UGT2B11: variants seen among roughly 807,000 people sequenced by gnomAD.
UGT2B11 encodes the protein UDP-glucuronosyltransferase 2B11.
Under a neutral mutation model 51.7 loss-of-function variants are expected in UGT2B11, and 49 were observed. That is an observed-to-expected ratio of 0.95 (90% CI 0.75 to 1.20). UGT2B11 has a LOEUF of 1.20. UGT2B11 is among the 50% of genes most tolerant of loss of function. The pLI is 0.00. For missense variants in UGT2B11, 810 were observed against 622.1 expected (o/e 1.30, Z -3.21); for synonymous variants, 273 against 209.0 (o/e 1.31, Z -2.64).
rs1363616064 is a variant in UGT2B11, at chr4:69,211,489, G to T, written c.870+1084C>A. 2.0e-5 allele frequency among the ~76,000 whole-genome samples: 3 copies of T among 151,532 alleles called. No homozygotes were observed. The South Asian group carries it at 6.2e-4, about 31-fold the overall frequency. ...TGAGGAATGATATCTCAAGTGACTT[G>T]CACATGTTAAGTAGTTAGTAGTATT... is the stretch of plus-strand genomic sequence containing the variant. On this transcript the variant is annotated intron_variant, in intron 2 of 5. Transcript: ENST00000446444.
intron 5 of UGT2B11, among the ~76,000 whole-genome samples, chr4:69,201,956 A>C (rs1479926628): frequency 6.6e-6 from 1 of 151,816 alleles, no homozygotes; most frequent in Non-Finnish European, 1.5e-5. Flanking sequence ...CCTGCCTACA[A>C]TAATTCTCTT....
At chr4:69,218,174 A>G (rs1420037764), upstream of UGT2B11, among the ~76,000 whole-genome samples, 1 of 152,096 alleles carries the variant, frequency 6.6e-6, no homozygotes, top group Non-Finnish European at 1.5e-5. Flanking sequence ...CTCCCAAATT[A>G]TCTTCCTCAA....
the UGT2B11 span, among the ~76,000 whole-genome samples, chr4:69,221,553 GC>G: frequency 4.9e-4 from 75 of 152,362 alleles, no homozygotes; most frequent in African/African-American, 1.8e-3. Context: ...AATGGCCCCA[GC>G]TTTGGCTAAT....
chr4:69,221,806 C>A, the UGT2B11 span, among the ~76,000 whole-genome samples: 1 of 152,190 alleles, frequency 6.6e-6, no homozygotes, highest in African/African-American at 2.4e-5. Flanking sequence ...TCAAACTTAC[C>A]TGGGGCTCTG....
chr4:69,212,744 A>G, intron 1 of UGT2B11, 23 bp from the exon 2 acceptor site: 1 of 1,591,114 alleles, frequency 6.3e-7, no homozygotes, highest in Non-Finnish European at 8.5e-7. Context: ...AAGAAAAGAA[A>G]AAGTGGATGA....
Position 69,214,019 on chromosome 4 carries a change from A to C in UGT2B11, c.704T>G (p.Phe235Cys). The C allele has an allele frequency of 6.3e-7, 1 of 1,587,328 alleles. No homozygotes were observed. Among genetic ancestry groups the C allele is most frequent in the Non-Finnish European group, 8.6e-7 (1 of 1,168,374 alleles). Residue 235 changes from phenylalanine (F) to cysteine (C), a missense_variant, in exon 1 of 6, where the codon TTT (phenylalanine) becomes TGT (cysteine). Physicochemically the swap from Phe to Cys is radical, Grantham distance 205 (BLOSUM62 -2). Transcript: ENST00000446444. The stretch of plus-strand genomic sequence containing the variant: ...ATTCTTACCTAAAACTTCACTGTAA[A>C]ACTGATCCCACTTCTTCATATCAGA... ...QMSDMKKWDQ[F>C]YSEVLGRPTT...
At chr4:69,222,105 T>C in the UGT2B11 span, among the ~76,000 whole-genome samples, 1 of 152,294 alleles carries the variant, frequency 6.6e-6, no homozygotes. Flanking sequence ...GCAGCCTTTC[T>C]CTTATCTCAC....
chr4:69,224,666 C>T, the UGT2B11 span, among the ~76,000 whole-genome samples: 2 of 151,742 alleles, frequency 1.3e-5, no homozygotes, highest in African/African-American at 2.4e-5. Flanking sequence ...AATGTAATGC[C>T]AAAGGTTCTT....
intron 2 of UGT2B11, 28 bp downstream of exon 2, chr4:69,212,545 A>G (rs1411389435): frequency 1.9e-6 from 3 of 1,594,300 alleles, no homozygotes; most frequent in Non-Finnish European, 2.6e-6. Flanking sequence ...CGAAGCCAAC[A>G]AAATAAAACC....
At chr4:69,203,568 T>C (rs566186814) in intron 5 of UGT2B11, among the ~76,000 whole-genome samples, 1 of 151,706 alleles carries the variant, frequency 6.6e-6, no homozygotes, top group Non-Finnish European at 1.5e-5. Flanking sequence ...TAGCCACAAT[T>C]GGAAACAATC....
chr4:69,216,813 A>C (rs1722286035), upstream of UGT2B11: 1 of 152,114 alleles, frequency 6.6e-6, no homozygotes, highest in Non-Finnish European at 1.5e-5. Context: ...CTTATTGTAA[A>C]TATGGCTGTC....
chr4:69,216,748 A>AT (rs1332798859), upstream of UGT2B11: 2 of 152,056 alleles, frequency 1.3e-5, no homozygotes, highest in Non-Finnish European at 2.9e-5. Flanking sequence ...AAGCAAGTGA[A>AT]TAAAGAAAAG....
At chr4:69,216,182 A>G (rs546027520), upstream of UGT2B11, 1 of 152,204 alleles carries the variant, frequency 6.6e-6, no homozygotes, top group East Asian at 1.9e-4. Flanking sequence ...ACTACTGAGA[A>G]CTGACATCTG....
At chr4:69,217,060 T>G (rs2109959031), upstream of UGT2B11, among the ~76,000 whole-genome samples, 1 of 152,286 alleles carries the variant, frequency 6.6e-6, no homozygotes, top group Admixed American at 6.5e-5. Context: ...ACAGATATGT[T>G]TTAAGTACAA....
the UGT2B11 span, among the ~76,000 whole-genome samples, chr4:69,224,092 T>C: frequency 6.6e-6 from 1 of 152,126 alleles, no homozygotes; most frequent in East Asian, 1.9e-4. Flanking sequence ...TGCCTGATCC[T>C]CGGAGGGCAC....
At chr4:69,213,765 TATAG>T (rs1341680530) in intron 1 of UGT2B11, among the ~76,000 whole-genome samples, 3 of 151,884 alleles carry the variant, frequency 2.0e-5, no homozygotes, top group African/African-American at 7.2e-5. Context: ...TGTACTAATA[TATAG>T]GTTTATGATT....
intron 1 of UGT2B11, among the ~76,000 whole-genome samples, chr4:69,213,384 A>G (rs1577966521): frequency 1.3e-5 from 2 of 151,826 alleles, no homozygotes; most frequent in East Asian, 1.9e-4. Context: ...ATATAGATAT[A>G]ACAACCTTCA....
upstream of UGT2B11, among the ~76,000 whole-genome samples, chr4:69,218,161 A>C (rs1038401190): frequency 5.9e-5 from 9 of 152,162 alleles, no homozygotes; most frequent in East Asian, 1.9e-4. Context: ...ATTTTCAATA[A>C]AACTCCCAAA....
intron 2 of UGT2B11, 33 bp from the exon 3 acceptor site, chr4:69,208,515 G>A: frequency 6.2e-7 from 1 of 1,605,184 alleles, no homozygotes; most frequent in Non-Finnish European, 8.5e-7. Context: ...TCACAAAAGA[G>A]TATCACCACA....
Sources: allele counts gnomAD v4.1 joint callset (sites outside exome capture counted in the v4.1 genomes callset), GRCh38; gene constraint gnomAD v4.1.1; transcripts MANE v1.5; gene names NCBI Gene and HGNC (gene_info 2026-07-23, HGNC 2026-07-21).